The following TOGARAM1 variants were observed in gnomAD, a reference collection of about 807,000 sequenced individuals.
The protein encoded by TOGARAM1 is TOG array regulator of axonemal microtubules 1.
TOGARAM1 carries 100 observed loss-of-function variants against 166.6 expected under a neutral mutation model. The observed-to-expected ratio is 0.60, with a 90% CI of 0.51 to 0.71. The LOEUF (loss-of-function observed/expected upper bound fraction) is 0.71. Among genes scored for constraint, TOGARAM1 ranks in the 30% least tolerant of loss-of-function variants. The probability of loss-of-function intolerance (pLI) is 0.00; values close to 1 mark genes in which losing one functional copy is unlikely to be tolerated. For synonymous variants in TOGARAM1, 758 were observed against 763.8 expected (o/e 0.99, Z 0.13); for missense variants, 2,029 against 2,102.7 (o/e 0.96, Z 0.69).
intron 1 of TOGARAM1, among the ~76,000 whole-genome samples, chr14:44,987,934 G>T (rs1370986596): frequency 6.6e-6 from 1 of 151,746 alleles, no homozygotes; most frequent in Non-Finnish European, 1.5e-5. Flanking sequence ...CATAAAAAAT[G>T]AAGAGTTCAT....
intron 14 of TOGARAM1, among the ~76,000 whole-genome samples, chr14:45,047,445 C>T (rs1279879438): frequency 6.6e-6 from 1 of 151,176 alleles, no homozygotes; most frequent in Non-Finnish European, 1.5e-5. Context: ...AATATATTAT[C>T]CTACAAAACA....
intron 1 of TOGARAM1, among the ~76,000 whole-genome samples, chr14:44,979,070 C>G (rs572351733): frequency 6.6e-6 from 1 of 150,694 alleles, no homozygotes; most frequent in South Asian, 2.1e-4. Context: ...TTTGATATAA[C>G]AATTAGGAGT....
Position 44,962,484 on chromosome 14 carries a change from G to C in TOGARAM1, c.63G>C (p.Arg21=). The C allele has an allele frequency of 6.2e-7, 1 of 1,609,296 alleles. No homozygotes were observed. Among genetic ancestry groups the C allele is most frequent in the Non-Finnish European group, 8.5e-7 (1 of 1,178,286 alleles). Reference sequence around the variant, plus strand: ...CCTTTCCAGTCCTCTCTACCTATCGGCTCCAGAGCCGCAGTCGTCCTTCCG... The same window carrying C: ...CCTTTCCAGTCCTCTCTACCTATCGCCTCCAGAGCCGCAGTCGTCCTTCCG... ...LPPFPVLSTY[R]LQSRSRPSAP... Residue 21 remains arginine (R), a synonymous_variant, in exon 1 of 20, where the codon CGG becomes CGC. Transcript: ENST00000361462.
intron 16 of TOGARAM1, among the ~76,000 whole-genome samples, chr14:45,057,088 C>G (rs1479771309): frequency 2.0e-5 from 3 of 151,978 alleles, no homozygotes. Flanking sequence ...CTGTTTCTTC[C>G]TAGTTCAATC....
At chr14:45,062,663 G>A (rs1882950788) in intron 16 of TOGARAM1, among the ~76,000 whole-genome samples, 1 of 151,994 alleles carries the variant, frequency 6.6e-6, no homozygotes, top group Non-Finnish European at 1.5e-5. Context: ...CAATCATTCT[G>A]TTTTTCACTT....
intron 11 of TOGARAM1, among the ~76,000 whole-genome samples, chr14:45,040,079 C>T (rs1881648268): frequency 6.6e-6 from 1 of 152,110 alleles, no homozygotes; most frequent in South Asian, 2.1e-4. Context: ...GGCTATAAAA[C>T]AAGTAATTTA....
chr14:45,028,218 CAA>C lies in TOGARAM1; in HGVS notation c.3550_3551del (p.Lys1184GlufsTer11), dbSNP rs1455450878. 1.3e-6 allele frequency: 2 copies of C among 1,588,574 alleles called. No individual in the cohort carries two copies. The highest frequency in any genetic ancestry group is 2.3e-5 in the South Asian group (2 of 85,564). ...TAAATCTACTTATAACAAGATGAGA[CAA>C]AAGAGAAAAGAAGAGAAAGAACTGT... is the stretch of plus-strand genomic sequence containing the variant. ...ISKSTYNKMR[Q>X]KRKEEKELFH... On this transcript the variant is annotated frameshift_variant, in exon 10 of 20. Coordinates refer to ENST00000361462, the MANE Select transcript of TOGARAM1 (RefSeq NM_001308120.2). LOFTEE classifies it high-confidence loss of function.
At chr14:44,978,617 C>T (rs1886344273) in intron 1 of TOGARAM1, among the ~76,000 whole-genome samples, 1 of 151,816 alleles carries the variant, frequency 6.6e-6, no homozygotes, top group Admixed American at 6.6e-5. Flanking sequence ...GCAGCCTGGA[C>T]AATATGGTAG....
At chr14:45,019,567 G>A (rs767057297) in intron 7 of TOGARAM1, among the ~76,000 whole-genome samples, 1 of 152,122 alleles carries the variant, frequency 6.6e-6, no homozygotes, top group East Asian at 1.9e-4. Context: ...TTGCCAGCTC[G>A]AATGCCTGGG....
chr14:45,006,275 C>G lies in TOGARAM1; in HGVS notation c.2904+8C>G. On this transcript the variant is annotated splice_region_variant and intron_variant, in intron 5 of 19. Transcript: ENST00000361462. ...GATTTGGATCAAGAAGAGGTTAGAA[C>G]CAAATATTTTTAATGACTTAAAAAT... The G allele has an allele frequency of 6.4e-7, 1 of 1,566,356 alleles. No homozygotes were observed. Among genetic ancestry groups the G allele is most frequent in the Non-Finnish European group, 8.7e-7 (1 of 1,154,012 alleles).
At chr14:44,984,467 T>C (rs1213489569) in intron 1 of TOGARAM1, among the ~76,000 whole-genome samples, 2 of 151,898 alleles carry the variant, frequency 1.3e-5, no homozygotes, top group Admixed American at 1.3e-4. Flanking sequence ...ACAATGTATA[T>C]ATTATATTTA....
intron 6 of TOGARAM1, among the ~76,000 whole-genome samples, chr14:45,011,008 T>A (rs971831121): frequency 6.6e-6 from 1 of 152,224 alleles, no homozygotes; most frequent in African/African-American, 2.4e-5. Context: ...TTGTACTTCT[T>A]TGTAAAATCT....
rs1594592838 is a variant in TOGARAM1, at chr14:44,962,317, T to C, written c.-105T>C. ...GGCAGGCTGAAGCTGTTCTTTTGCC[T>C]CTTCTGCAGCTTGGGGCTTGGAGAG... On this transcript the variant is annotated 5_prime_UTR_variant, in exon 1 of 20. Coordinates refer to ENST00000361462, the MANE Select transcript of TOGARAM1 (RefSeq NM_001308120.2). 1.5e-6 allele frequency: 2 copies of C among 1,375,314 alleles called. No individual in the cohort carries two copies. The highest frequency in any genetic ancestry group is 2.5e-5 in the East Asian group (1 of 40,090). The allele number at this position is 1,375,314 out of a possible 1,614,324, so 85.2% of individuals were successfully genotyped here.
At chr14:45,004,451 G>A (rs1566626084) in intron 4 of TOGARAM1, 85 bp downstream of exon 4, 3 of 1,009,860 alleles carry the variant, frequency 3.0e-6, no homozygotes, top group African/African-American at 3.2e-5. Context: ...ATCTTTAAAA[G>A]CTAGTAAACT....
intron 7 of TOGARAM1, among the ~76,000 whole-genome samples, chr14:45,020,631 G>A (rs1880445078): frequency 6.6e-6 from 1 of 151,928 alleles, no homozygotes; most frequent in African/African-American, 2.4e-5. Context: ...AAGAATGAGA[G>A]GAAGCACATA....
chr14:44,962,277 T>A lies in TOGARAM1; in HGVS notation c.-145T>A. ...TTTGCCAGAGGCTGCCTCCCGGAGTTGGGGGCGGCCTGGCGGCAGGCTGAA... is the reference window on the plus strand; with the variant it reads ...TTTGCCAGAGGCTGCCTCCCGGAGTAGGGGGCGGCCTGGCGGCAGGCTGAA... On this transcript the variant is annotated 5_prime_UTR_variant, in exon 1 of 20. Transcript: ENST00000361462. 9.7e-7 allele frequency: 1 copy of A among 1,034,470 alleles called. No homozygotes were observed. The highest frequency in any genetic ancestry group is 1.3e-6 in the Non-Finnish European group (1 of 756,364). The allele number at this position is 1,034,470 out of a possible 1,614,324, so 64.1% of individuals were successfully genotyped here.
At position 44,962,641 on chromosome 14, in the gene TOGARAM1, C is replaced by A; in HGVS notation, c.220C>A (p.Pro74Thr). The change falls in exon 1 of 20, where the codon CCC (proline) becomes ACC (threonine). Residue 74 changes from proline (P) to threonine (T), a missense_variant. Physicochemically the swap from Pro to Thr is conservative, Grantham distance 38 (BLOSUM62 -1). This residue lies in a region of TOGARAM1 where 1,453 missense variants were observed against 1,432.2 expected (regional missense o/e 1.01). Transcript: ENST00000361462. ...TSPLASALLM[P>T]SEAVSSSWSE... ...GCCTCTGGCCTCGGCCCTCTTGATG[C>A]CCTCGGAGGCAGTCTCAAGCAGCTG... 6.2e-7 allele frequency: 1 copy of A among 1,613,886 alleles called. No homozygotes were observed. Among genetic ancestry groups the A allele is most frequent in the East Asian group, 2.2e-5 (1 of 44,876 alleles).
chr14:45,027,147 T>G, intron 8 of TOGARAM1, 152 bp from the exon 9 acceptor site: 1 of 671,358 alleles, frequency 1.5e-6, no homozygotes, highest in African/African-American at 1.8e-5. Context: ...CCTATTAGGG[T>G]ATTTGTTTTT....
At chr14:45,035,917 G>T (rs1475152569) in intron 11 of TOGARAM1, among the ~76,000 whole-genome samples, 1 of 144,340 alleles carries the variant, frequency 6.9e-6, no homozygotes, top group African/African-American at 2.6e-5. Context: ...TTAAAGACCA[G>T]CCTTTGCAAT....
Sources: allele counts gnomAD v4.1 joint callset (sites outside exome capture counted in the v4.1 genomes callset), GRCh38; gene constraint gnomAD v4.1.1; regional missense constraint gnomAD v4.1.1; transcripts MANE v1.5; gene names NCBI Gene and HGNC (gene_info 2026-07-23, HGNC 2026-07-21).